HPSE2: variants seen among roughly 807,000 people sequenced by gnomAD.
The protein encoded by HPSE2 is inactive heparanase-2.
A neutral mutation model predicts 60.5 loss-of-function variants in HPSE2; 38 were observed. The observed-to-expected ratio is 0.63, with a 90% CI of 0.48 to 0.82. The LOEUF (loss-of-function observed/expected upper bound fraction) is 0.82. HPSE2 is among the 40% of genes least tolerant of loss of function. HPSE2 has a pLI of 0.00. For synonymous variants in HPSE2, 295 were observed against 293.2 expected (o/e 1.01, Z -0.06); for missense variants, 713 against 740.4 (o/e 0.96, Z 0.43).
chr10:99,302,354 G>C, the HPSE2 span, among the ~76,000 whole-genome samples: 1 of 144,798 alleles, frequency 6.9e-6, no homozygotes, highest in African/African-American at 2.4e-5. Context: ...TTGAGATCCT[G>C]GAACTTTTAG....
chr10:98,623,603 GA>G (rs1288524388), intron 7 of HPSE2, among the ~76,000 whole-genome samples: 2 of 152,148 alleles, frequency 1.3e-5, no homozygotes, highest in African/African-American at 4.8e-5. Context: ...ATGTACCCTG[GA>G]AATTCTGGGT....
intron 9 of HPSE2, among the ~76,000 whole-genome samples, chr10:98,574,436 G>A (rs1189329581): frequency 6.6e-6 from 1 of 152,138 alleles, no homozygotes; most frequent in East Asian, 1.9e-4. Flanking sequence ...AACTTTTCAT[G>A]CATTACTTCT....
chr10:98,498,893 G>A (rs528773505), intron 9 of HPSE2, among the ~76,000 whole-genome samples: 4 of 152,082 alleles, frequency 2.6e-5, no homozygotes, highest in Non-Finnish European at 5.9e-5. Flanking sequence ...ACAAGTAGAA[G>A]AAAGAAATTC....
At chr10:99,019,802 C>A (rs920292332) in intron 3 of HPSE2, among the ~76,000 whole-genome samples, 7 of 151,806 alleles carry the variant, frequency 4.6e-5, no homozygotes, top group African/African-American at 1.7e-4. Flanking sequence ...CTCTGCCCCC[C>A]AGATTCAAGC....
intron 4 of HPSE2, among the ~76,000 whole-genome samples, chr10:98,734,888 T>TACACAC (rs140139802): frequency 0.47 from 69,527 of 148,044 alleles, 18,604 homozygotes; most frequent in South Asian, 0.71. Context: ...ATTTGTCCCT[T>TACACAC]ACACACACAC....
intron 3 of HPSE2, among the ~76,000 whole-genome samples, chr10:99,105,706 A>G (rs755197087): frequency 6.6e-6 from 1 of 152,098 alleles, no homozygotes; most frequent in East Asian, 1.9e-4. Flanking sequence ...CCACACCAAG[A>G]ACATGAGAAC....
intron 9 of HPSE2, among the ~76,000 whole-genome samples, chr10:98,549,451 A>T (rs766402614): frequency 2.6e-4 from 40 of 152,136 alleles, no homozygotes; most frequent in Non-Finnish European, 5.3e-4. Flanking sequence ...AATTCTCTAC[A>T]TCTTATATCT....
At chr10:98,588,217 C>T (rs1033490657) in intron 9 of HPSE2, among the ~76,000 whole-genome samples, 3 of 152,178 alleles carry the variant, frequency 2.0e-5, no homozygotes, top group African/African-American at 7.2e-5. Context: ...TAATATTTCA[C>T]TAGAAGCCTT....
intron 3 of HPSE2, chr10:99,013,871 C>A (rs1377252363): frequency 2.4e-5 from 9 of 367,768 alleles, no homozygotes; most frequent in South Asian, 2.1e-4. Flanking sequence ...GTAGTTTTCC[C>A]TGCACTATCC....
chr10:98,490,562 C>T (rs913080568), intron 9 of HPSE2, among the ~76,000 whole-genome samples: 4 of 152,120 alleles, frequency 2.6e-5, no homozygotes, highest in South Asian at 2.1e-4. Context: ...ACTTTTATAG[C>T]GGCTTATGAT....
chr10:99,258,078 T>A, the HPSE2 span, among the ~76,000 whole-genome samples: 1 of 151,798 alleles, frequency 6.6e-6, no homozygotes, highest in Non-Finnish European at 1.5e-5. Context: ...AAGGCGGAGG[T>A]TGCAGTGAGC....
chr10:98,570,735 T>C lies in HPSE2; in HGVS notation c.1320+44169A>G, dbSNP rs368078770. 1.2e-4 allele frequency among the ~76,000 whole-genome samples: 19 copies of C among 152,102 alleles called. No homozygotes were observed. In the East Asian group the frequency reaches 1.9e-3, roughly 15 times the overall value. On this transcript the variant is annotated intron_variant, in intron 9 of 11. Coordinates refer to ENST00000370552, the MANE Select transcript of HPSE2 (RefSeq NM_021828.5). ...ACAAATGAGACCCTGGCACCACAGA[T>C]AAAGGGTCTAGGGGTGGACAACCAA...
At chr10:98,473,235 A>T (rs899468842) in intron 11 of HPSE2, among the ~76,000 whole-genome samples, 2 of 152,134 alleles carry the variant, frequency 1.3e-5, no homozygotes, top group African/African-American at 4.8e-5. Context: ...CTATAGTCCT[A>T]GCACTCTGGG....
chr10:99,209,615 A>C (rs2133905119), intron 2 of HPSE2, among the ~76,000 whole-genome samples: 1 of 152,316 alleles, frequency 6.6e-6, no homozygotes, highest in South Asian at 2.1e-4. Context: ...GAAGGAGAGA[A>C]ATAATAAAGA....
At chr10:98,547,912 G>C (rs1193744397) in intron 9 of HPSE2, among the ~76,000 whole-genome samples, 1 of 151,966 alleles carries the variant, frequency 6.6e-6, no homozygotes, top group African/African-American at 2.4e-5. Flanking sequence ...TTTAAATTCA[G>C]AATTACTTGA....
chr10:98,716,471 A>G (rs1489828002), intron 5 of HPSE2, among the ~76,000 whole-genome samples: 1 of 151,094 alleles, frequency 6.6e-6, no homozygotes, highest in East Asian at 1.9e-4. Context: ...ATAAATTTAA[A>G]AAAATAATGC....
At chr10:98,871,995 T>G (rs1952744560) in intron 3 of HPSE2, among the ~76,000 whole-genome samples, 1 of 152,142 alleles carries the variant, frequency 6.6e-6, no homozygotes, top group Admixed American at 6.6e-5. Context: ...TCTTTGTCCT[T>G]GTTTATATCC....
At chr10:99,253,448 G>C in the HPSE2 span, among the ~76,000 whole-genome samples, 1 of 152,162 alleles carries the variant, frequency 6.6e-6, no homozygotes, top group Non-Finnish European at 1.5e-5. Flanking sequence ...GCAGAAGAAT[G>C]AAACTGGACC....
chr10:99,003,585 T>A (rs552829328), intron 3 of HPSE2, among the ~76,000 whole-genome samples: 39 of 152,274 alleles, frequency 2.6e-4, no homozygotes. Flanking sequence ...ATTTCTCTGA[T>A]GGTTAAGCAC....
Sources: allele counts gnomAD v4.1 joint callset (sites outside exome capture counted in the v4.1 genomes callset), GRCh38; gene constraint gnomAD v4.1.1; transcripts MANE v1.5; gene names NCBI Gene and HGNC (gene_info 2026-07-23, HGNC 2026-07-21).